The following GOT2 variants were observed in gnomAD, a reference collection of about 807,000 sequenced individuals.
The protein encoded by GOT2 is glutamic-oxaloacetic transaminase 2.
A neutral mutation model predicts 50.0 loss-of-function variants in GOT2; 17 were observed. That is an observed-to-expected ratio of 0.34 (90% CI 0.23 to 0.51). The LOEUF (loss-of-function observed/expected upper bound fraction) is 0.51, where lower values mean the gene tolerates loss of function less well. Ranked by LOEUF, GOT2 falls within the 20% of genes least tolerant of loss-of-function variation. GOT2 has a pLI of 0.97. For missense variants in GOT2, 430 were observed against 559.6 expected, an observed-to-expected ratio of 0.77 and a Z score of 2.34; for synonymous variants, 172 against 204.9, an observed-to-expected ratio of 0.84 and a Z score of 1.37.
At chr16:58,719,077 T>C in intron 4 of GOT2, 119 bp downstream of exon 4, 1 of 768,138 alleles carries the variant, frequency 1.3e-6, no homozygotes, top group South Asian at 1.5e-5. Context: ...GAATAGGACA[T>C]CTGCAAACTT....
chr16:58,723,716 C>T (rs772452452), intron 2 of GOT2, 30 bp downstream of exon 2: 2 of 1,583,866 alleles, frequency 1.3e-6, no homozygotes, highest in Admixed American at 3.3e-5. Flanking sequence ...TTATTCATCC[C>T]ATTCAAAAGG....
At position 58,710,802 on chromosome 16, in the gene GOT2, A is replaced by C. The variant is rs257649; in HGVS notation, c.1020-1235T>G. 1.0e-2 allele frequency among the ~76,000 whole-genome samples: 294 copies of C among 29,544 alleles called. 8 individuals carry two copies. The highest frequency in any genetic ancestry group is 0.02 in the South Asian group (16 of 786). 19.4% of individuals were successfully genotyped at this position (29,544 alleles called of 152,430 possible). On this transcript the variant is annotated intron_variant, in intron 8 of 9. Transcript: ENST00000245206. ...CTAACACGGTGAAACCCCGTCTCTA[A>C]TAAAAATACAAAAAAATTAGCCGGG...
At chr16:58,712,699 ATGAAAATATTTTTAAAAACAT>A in intron 8 of GOT2, among the ~76,000 whole-genome samples, 1 of 152,342 alleles carries the variant, frequency 6.6e-6, no homozygotes, top group South Asian at 2.1e-4. Context: ...ACCAGAGAAT[ATGAAAATATTTTTAAAAACAT>A]TGAAAATATT....
intron 1 of GOT2, among the ~76,000 whole-genome samples, chr16:58,729,962 C>T (rs1036024546): frequency 4.6e-5 from 7 of 152,028 alleles, no homozygotes; most frequent in East Asian, 1.9e-4. Flanking sequence ...TTTACAATTA[C>T]AATGCTAGTT....
At chr16:58,730,388 A>G (rs1382248607) in intron 1 of GOT2, among the ~76,000 whole-genome samples, 2 of 84,078 alleles carry the variant, frequency 2.4e-5, no homozygotes, top group East Asian at 5.8e-4. Flanking sequence ...CTAGAGGGAT[A>G]CAATTTTTTT....
chr16:58,728,768 C>T (rs1333903766), intron 1 of GOT2, among the ~76,000 whole-genome samples: 2 of 152,192 alleles, frequency 1.3e-5, no homozygotes, highest in African/African-American at 4.8e-5. Flanking sequence ...GCAAGCTCCA[C>T]TTCACGGGTT....
Position 58,708,180 on chromosome 16 carries a change from G to T in GOT2, c.1284C>A (p.Val428=), listed in dbSNP as rs368662602. ...VGYLAHAIHQ[V]TK ...CCTCGCACCAGGGACATTACTTGGT[G>T]ACCTGGTGAATGGCATGGGCAAGGT... Residue 428 remains valine, a synonymous_variant, in exon 10 of 10, where the codon GTC becomes GTA. Transcript: ENST00000245206. 2 of 1,613,946 alleles carry T rather than the reference G, an allele frequency of 1.2e-6. No homozygotes were observed. The highest frequency in any genetic ancestry group is 1.7e-6 in the Non-Finnish European group (2 of 1,179,916).
chr16:58,733,441 G>A (rs1415337423), intron 1 of GOT2, among the ~76,000 whole-genome samples: 1 of 152,100 alleles, frequency 6.6e-6, no homozygotes, highest in Non-Finnish European at 1.5e-5. Context: ...AAGATTGATA[G>A]CCTCCCTGCA....
At chr16:58,722,080 TA>T (rs1237919144) in intron 3 of GOT2, 69 bp downstream of exon 3, 1 of 1,570,278 alleles carries the variant, frequency 6.4e-7, no homozygotes, top group African/African-American at 1.4e-5. Flanking sequence ...GCGCCTGGCC[TA>T]AAATTGTTTA....
chr16:58,725,200 C>T (rs1227064320), intron 1 of GOT2, among the ~76,000 whole-genome samples: 2 of 151,360 alleles, frequency 1.3e-5, no homozygotes, highest in Non-Finnish European at 2.9e-5. Flanking sequence ...CTGCAAACTC[C>T]GCCTCCTGGG....
chr16:58,728,757 T>C (rs142090037), intron 1 of GOT2, among the ~76,000 whole-genome samples: 20 of 152,308 alleles, frequency 1.3e-4, no homozygotes, highest in Admixed American at 8.5e-4. Context: ...CTCAGCTCAC[T>C]GCAAGCTCCA....
chr16:58,729,967 C>T (rs898842873), intron 1 of GOT2, among the ~76,000 whole-genome samples: 1 of 152,006 alleles, frequency 6.6e-6, no homozygotes, highest in Non-Finnish European at 1.5e-5. Context: ...AATTACAATG[C>T]TAGTTTTGAG....
intron 2 of GOT2, among the ~76,000 whole-genome samples, chr16:58,722,621 C>T (rs1373317151): frequency 4.6e-5 from 7 of 151,894 alleles, no homozygotes; most frequent in Admixed American, 3.3e-4. Flanking sequence ...CCACCTGCCT[C>T]GGCCTCCTAA....
chr16:58,733,163 T>C (rs2044849558), intron 1 of GOT2, among the ~76,000 whole-genome samples: 1 of 152,192 alleles, frequency 6.6e-6, no homozygotes, highest in African/African-American at 2.4e-5. Flanking sequence ...CCAAATCGGC[T>C]TCTTGAGTTG....
chr16:58,728,967 G>T (rs190663167), intron 1 of GOT2, among the ~76,000 whole-genome samples: 2 of 152,116 alleles, frequency 1.3e-5, no homozygotes, highest in Admixed American at 1.3e-4. Context: ...GATTACAGGC[G>T]TGAGCTACCG....
intron 5 of GOT2, 73 bp from the exon 6 acceptor site, chr16:58,718,373 C>T (rs939276992): frequency 7.9e-6 from 11 of 1,396,034 alleles, no homozygotes; most frequent in South Asian, 1.2e-5. Flanking sequence ...GCCACAGGAT[C>T]GTCATCATTT....
chr16:58,722,276 T>TG lies in GOT2; in HGVS notation c.248dup (p.Glu84ArgfsTer21). Reference sequence around the variant, plus strand: ...AATTTTTTGCGGCAATCTGGGCCTCTGCCTAGACAAGAGAAAATACATCCA... The same window carrying TG: ...AATTTTTTGCGGCAATCTGGGCCTCTGGCCTAGACAAGAGAAAATACATCCA... On this transcript the variant is annotated frameshift_variant and splice_region_variant, in exon 3 of 10. Transcript: ENST00000245206. LOFTEE classifies it high-confidence loss of function. 1 of 1,613,216 alleles carries TG rather than the reference T, an allele frequency of 6.2e-7. No homozygotes were observed. Among genetic ancestry groups the TG allele is most frequent in the Non-Finnish European group, 8.5e-7 (1 of 1,179,328 alleles).
chr16:58,709,548 T>C lies in GOT2; in HGVS notation c.1039A>G (p.Met347Val), dbSNP rs538303951. 4 of 1,611,446 alleles carry C rather than the reference T, an allele frequency of 2.5e-6. No homozygotes were observed. The highest frequency in any genetic ancestry group is 3.3e-5 in the Admixed American group (2 of 59,986). ...CGCATGCCAATGATGCGGTCAGCCA[T>C]GACTTTCACTTCTTGCAGCCTGTAA... Reference protein sequence around the residue: ...RKQWLQEVKVMADRIIGMRTQ... With the variant: ...RKQWLQEVKVVADRIIGMRTQ... Residue 347 changes from methionine to valine, a missense_variant, in exon 9 of 10, where the codon ATG becomes GTG. Transcript: ENST00000245206.
At chr16:58,724,043 T>G (rs1273768433) in intron 1 of GOT2, 141 bp from the exon 2 acceptor site, 3 of 628,300 alleles carry the variant, frequency 4.8e-6, no homozygotes, top group African/African-American at 1.9e-5. Flanking sequence ...AGCGTTTGCC[T>G]CCTGGGCTCA....
Sources: gnomAD v4.1 joint callset for allele counts (sites outside exome capture counted in the v4.1 genomes callset) on GRCh38, gnomAD v4.1.1 for gene constraint, MANE v1.5 for transcripts, NCBI Gene and HGNC (gene_info 2026-07-23, HGNC 2026-07-21) for gene names.